The following KIR3DL1 variants were observed in gnomAD, a reference collection of about 807,000 sequenced individuals.
The protein encoded by KIR3DL1 is killer cell immunoglobulin like receptor, three Ig domains and long cytoplasmic tail 1, also known as killer cell immunoglobulin-like receptor 3DL1.
Under a neutral mutation model 40.3 loss-of-function variants are expected in KIR3DL1, and 50 were observed. The observed-to-expected ratio is 1.24, with a 90% CI of 0.99 to 1.57. The LOEUF (loss-of-function observed/expected upper bound fraction) is 1.57, where lower values mean the gene tolerates loss of function less well. Among genes scored for constraint, KIR3DL1 ranks in the 40% most tolerant of loss-of-function variants. The pLI, the probability that KIR3DL1 is intolerant of heterozygous loss-of-function variation, is 0.00. For synonymous variants in KIR3DL1, 257 were observed against 207.2 expected, an observed-to-expected ratio of 1.24 and a Z score of -2.07; for missense variants, 661 against 559.9, an observed-to-expected ratio of 1.18 and a Z score of -1.82.
At chr19:54,817,664 C>A in intron 2 of KIR3DL1, 95 bp downstream of exon 2, 1 of 1,007,090 alleles carries the variant, frequency 9.9e-7, no homozygotes. Flanking sequence ...CTCTCATACA[C>A]TAGGAAGAGG....
At position 54,823,972 on chromosome 19, in the gene KIR3DL1, G is replaced by C. The variant is rs1005909444; in HGVS notation, c.950-1056G>C. Among the ~76,000 whole-genome samples the C allele has an allele frequency of 4.0e-5, 6 of 151,126 alleles. 1 individual carries two copies. Among genetic ancestry groups the C allele is most frequent in the African/African-American group, 1.5e-4 (6 of 40,846 alleles). On this transcript the variant is annotated intron_variant, in intron 5 of 8. Transcript: ENST00000391728. ...TAAATTGTTTTATTGAGTTGTTTGA[G>C]CTTCTTATATTTCCAGTTATTAATC...
exon 4 of KIR3DL1, chr19:54,819,753 C>T (rs759224770): frequency 2.5e-6 from 4 of 1,610,230 alleles, no homozygotes; most frequent in African/African-American, 1.3e-5. Flanking sequence ...ACCCAGGTCC[C>T]CTGGTGAAAT....
chr19:54,823,765 T>G (rs1438300401), intron 5 of KIR3DL1, among the ~76,000 whole-genome samples: 1 of 151,550 alleles, frequency 6.6e-6, no homozygotes, highest in African/African-American at 2.4e-5. Flanking sequence ...GTGCCGGAAT[T>G]ACAGGCGTGA....
chr19:54,823,595 T>C lies in KIR3DL1; in HGVS notation c.950-1433T>C, dbSNP rs764851203. Among the ~76,000 whole-genome samples, 937 of 151,540 alleles carry C rather than the reference T, an allele frequency of 6.2e-3. 19 individuals are homozygous for C. Among genetic ancestry groups the C allele is most frequent in the Middle Eastern group, 0.01 (3 of 294 alleles). ...TCACTGCAACCTCCGCCTCCCGCGT[T>C]CAACTGATTCTCCTGCCTCAGCCTC... On this transcript the variant is annotated intron_variant, in intron 5 of 8. Transcript: ENST00000391728.
intron 3 of KIR3DL1, 49 bp downstream of exon 3, chr19:54,818,648 C>G: frequency 1.3e-6 from 2 of 1,577,630 alleles, no homozygotes; most frequent in Non-Finnish European, 1.7e-6. Context: ...TCCTGAATCC[C>G]AGAGCTTCTG....
exon 2 of KIR3DL1, chr19:54,817,557 G>C: frequency 3.3e-6 from 5 of 1,510,768 alleles, no homozygotes; most frequent in Non-Finnish European, 4.5e-6. Context: ...CCAGAGGGCC[G>C]GTCCACACAT....
At chr19:54,830,287 A>C in exon 9 of KIR3DL1, 1 of 1,522,448 alleles carries the variant, frequency 6.6e-7, no homozygotes, top group Non-Finnish European at 8.9e-7. Flanking sequence ...CACCACAGTC[A>C]GGCCTTGAGG....
At chr19:54,819,314 C>T (rs1229757393) in intron 3 of KIR3DL1, among the ~76,000 whole-genome samples, 3 of 132,384 alleles carry the variant, frequency 2.3e-5, no homozygotes, top group African/African-American at 5.2e-5. Flanking sequence ...AGTAATCCAA[C>T]GACTGGGGAG....
chr19:54,819,474 G>A (rs987430269), intron 3 of KIR3DL1, among the ~76,000 whole-genome samples: 3 of 151,290 alleles, frequency 2.0e-5, no homozygotes, highest in Admixed American at 6.6e-5. Flanking sequence ...CAGCCCAAGA[G>A]ATGAGGCTGT....
In KIR3DL1 at chr19:54,829,964, G is replaced by T; in HGVS notation, c.1142G>T (p.Arg381Ile). Residue 381 changes from arginine to isoleucine, a missense_variant, in exon 8 of 9, where the codon AGA (arginine) becomes ATA (isoleucine). Coordinates refer to ENST00000391728, the Ensembl canonical transcript of KIR3DL1. ...ATGGACCAAGAGCCTGCAGGGAACAGAACAGCCAACAGCGAGGTAGGTGCT... is the reference window on the plus strand; with the variant it reads ...ATGGACCAAGAGCCTGCAGGGAACATAACAGCCAACAGCGAGGTAGGTGCT... 2.0e-6 allele frequency: 3 copies of T among 1,528,302 alleles called. 1 individual carries two copies. The highest frequency in any genetic ancestry group is 2.7e-6 in the Non-Finnish European group (3 of 1,125,032). The allele number at this position is 1,528,302 out of a possible 1,614,324, so 94.7% of individuals were successfully genotyped here. A position where few individuals can be genotyped will look rare whatever the true frequency, so the allele number is the denominator to read the frequency against.
At chr19:54,817,008 A>G (rs1454423445) in intron 1 of KIR3DL1, among the ~76,000 whole-genome samples, 1 of 79,336 alleles carries the variant, frequency 1.3e-5, no homozygotes, top group Non-Finnish European at 2.5e-5. Flanking sequence ...GGTGGAGTTA[A>G]GGGCATGAAG....
At chr19:54,818,760 C>G (rs1274320126) in intron 3 of KIR3DL1, among the ~76,000 whole-genome samples, 161 bp downstream of exon 3, 1 of 150,962 alleles carries the variant, frequency 6.6e-6, no homozygotes. Context: ...GGAAGAATCA[C>G]TGTCCCCAAT....
At chr19:54,827,954 A>G (rs1271133337) in intron 6 of KIR3DL1, among the ~76,000 whole-genome samples, 3 of 150,476 alleles carry the variant, frequency 2.0e-5, no homozygotes, top group South Asian at 2.1e-4. Context: ...GGGGAGGTAA[A>G]TGCTAATACT....
Position 54,820,106 on chromosome 19 carries a change from T to C in KIR3DL1, c.655+94T>C, listed in dbSNP as rs1414804614. ...CCCAGGTGGTCATGAGGAAGATAAG[T>C]GTGGGATTCTTATGGAAAGAGAGTG... On this transcript the variant is annotated intron_variant, in intron 4 of 8. Transcript: ENST00000391728. The C allele has an allele frequency of 9.0e-6, 12 of 1,336,976 alleles. No homozygotes were observed. In the East Asian group the frequency reaches 1.2e-4, roughly 13 times the overall value. The allele number at this position is 1,336,976 out of a possible 1,614,324, so 82.8% of individuals were successfully genotyped here. A position where few individuals can be genotyped will look rare whatever the true frequency, so the allele number is the denominator to read the frequency against.
At chr19:54,818,289 T>A (rs753598827) in intron 2 of KIR3DL1, 26 bp from the exon 3 acceptor site, 1 of 1,587,254 alleles carries the variant, frequency 6.3e-7, no homozygotes, top group South Asian at 1.1e-5. Context: ...TCCTCCTCTC[T>A]AAGGCAGTGC....
chr19:54,827,690 A>G (rs2061976529), intron 6 of KIR3DL1, among the ~76,000 whole-genome samples: 1 of 150,326 alleles, frequency 6.7e-6, no homozygotes, highest in Non-Finnish European at 1.5e-5. Context: ...TCCCATCATC[A>G]TTTTTCTATT....
rs182506920 is a variant in KIR3DL1, at chr19:54,828,175, C to T, written c.1001-1186C>T. Among the ~76,000 whole-genome samples the T allele has an allele frequency of 7.6e-4, 115 of 151,018 alleles. 2 individuals carry two copies. The highest frequency in any genetic ancestry group is 6.8e-3 in the Middle Eastern group (2 of 294). Reference sequence around the variant, plus strand: ...AGCACATTTCACACGGGCTTCAACACTATTTTCTGGCTGTTTGACATAAGA... The same window carrying T: ...AGCACATTTCACACGGGCTTCAACATTATTTTCTGGCTGTTTGACATAAGA... On this transcript the variant is annotated intron_variant, in intron 6 of 8. Transcript: ENST00000391728.
At chr19:54,821,367 T>C (rs1453388162) in intron 4 of KIR3DL1, among the ~76,000 whole-genome samples, 198 bp from the exon 5 acceptor site, 2 of 149,404 alleles carry the variant, frequency 1.3e-5, no homozygotes, top group Non-Finnish European at 3.0e-5. Context: ...TACCTCAGGG[T>C]GGGGAAGTGA....
At chr19:54,819,803 T>A in exon 4 of KIR3DL1, 1 of 1,611,896 alleles carries the variant, frequency 6.2e-7, no homozygotes, top group South Asian at 1.1e-5. Flanking sequence ...TCAGATATCA[T>A]GTTTGAGCAC....
Sources: allele counts gnomAD v4.1 joint callset (sites outside exome capture counted in the v4.1 genomes callset), GRCh38; gene constraint gnomAD v4.1.1; transcripts MANE v1.5; gene names NCBI Gene and HGNC (gene_info 2026-07-23, HGNC 2026-07-21).